Variants in CRYZL1 observed in about 807,000 individuals in gnomAD.
The protein encoded by CRYZL1 is ferry endosomal RAB5 effector complex subunit 4.
CRYZL1 carries 34 observed loss-of-function variants against 50.6 expected under a neutral mutation model. That is an observed-to-expected ratio of 0.67 (90% confidence interval 0.51 to 0.89). The LOEUF is 0.89. Among genes scored for constraint, CRYZL1 ranks in the 40% least tolerant of loss-of-function variants. The pLI is 0.00. For synonymous variants in CRYZL1, 125 were observed against 134.3 expected, an observed-to-expected ratio of 0.93 and a Z score of 0.48; for missense variants, 354 against 402.3, an observed-to-expected ratio of 0.88 and a Z score of 1.03.
rs754115259 is a variant in CRYZL1, at chr21:33,589,438, T to G, written c.*384A>C. The G allele has an allele frequency of 9.9e-4, 300 of 303,128 alleles. 1 individual carries two copies. The highest frequency in any genetic ancestry group is 1.3e-3 in the Non-Finnish European group (212 of 166,942). The allele number at this position is 303,128 out of a possible 1,614,324, so 18.8% of individuals were successfully genotyped here. A position where few individuals can be genotyped will look rare whatever the true frequency, so the allele number is the denominator to read the frequency against. On this transcript the variant is annotated 3_prime_UTR_variant, in exon 13 of 13. Coordinates refer to ENST00000381554, the MANE Select transcript of CRYZL1 (RefSeq NM_145858.3). ...CTTAAGGAAGGTGTTGAGAACGGAGTTGATACAAAATTAATACGTTACTTT... is the reference window on the plus strand; with the variant it reads ...CTTAAGGAAGGTGTTGAGAACGGAGGTGATACAAAATTAATACGTTACTTT...
chr21:33,600,105 C>A (rs1202068895), intron 8 of CRYZL1, among the ~76,000 whole-genome samples: 1 of 152,110 alleles, frequency 6.6e-6, no homozygotes, highest in Non-Finnish European at 1.5e-5. Flanking sequence ...TTTAAAAAAT[C>A]CTAAATCGAA....
At chr21:33,607,838 C>T (rs899569963) in intron 6 of CRYZL1, among the ~76,000 whole-genome samples, 1 of 152,140 alleles carries the variant, frequency 6.6e-6, no homozygotes, top group African/African-American at 2.4e-5. Flanking sequence ...ACAGGTTATT[C>T]AGTTGAGTGT....
chr21:33,621,445 C>T (rs2087000361), intron 4 of CRYZL1, among the ~76,000 whole-genome samples: 1 of 151,676 alleles, frequency 6.6e-6, no homozygotes, highest in African/African-American at 2.4e-5. Flanking sequence ...AGGTTCACGC[C>T]ATTCTCCTGC....
At chr21:33,616,593 G>A (rs748104726) in intron 5 of CRYZL1, 113 bp downstream of exon 5, 3 of 1,566,088 alleles carry the variant, frequency 1.9e-6, no homozygotes, top group Non-Finnish European at 2.6e-6. Flanking sequence ...CACCCAGCCG[G>A]GAAAGTACTT....
intron 11 of CRYZL1, chr21:33,595,512 T>C (rs1384060393): frequency 1.6e-6 from 2 of 1,282,458 alleles, no homozygotes; most frequent in Non-Finnish European, 2.2e-6. Flanking sequence ...AACATCTCTG[T>C]GCTTCTGTTT....
chr21:33,591,888 T>A (rs2086646046), intron 11 of CRYZL1, among the ~76,000 whole-genome samples: 1 of 151,550 alleles, frequency 6.6e-6, no homozygotes, highest in South Asian at 2.1e-4. Context: ...AGCACATGGG[T>A]TTGAGGTTAC....
intron 1 of CRYZL1, among the ~76,000 whole-genome samples, chr21:33,636,582 A>C (rs1221481156): frequency 6.6e-6 from 1 of 152,238 alleles, no homozygotes; most frequent in African/African-American, 2.4e-5. Flanking sequence ...AAAATTAAGG[A>C]GATAATACCA....
At chr21:33,637,159 T>G (rs983954323) in intron 1 of CRYZL1, among the ~76,000 whole-genome samples, 4 of 152,150 alleles carry the variant, frequency 2.6e-5, no homozygotes, top group Non-Finnish European at 4.4e-5. Flanking sequence ...AAGAATAATT[T>G]AGATCGCTGG....
intron 4 of CRYZL1, 142 bp from the exon 5 acceptor site, chr21:33,616,892 A>G: frequency 3.0e-6 from 2 of 666,278 alleles, no homozygotes; most frequent in Non-Finnish European, 4.8e-6. Context: ...AAATGTCAAT[A>G]ACATTTTGAT....
At chr21:33,626,696 C>CA (rs1364493644) in intron 2 of CRYZL1, among the ~76,000 whole-genome samples, 2,353 of 75,344 alleles carry the variant, frequency 0.031, 32 homozygotes, top group African/African-American at 0.049. Context: ...GACCCTGTCT[C>CA]AAAAAAAAAA....
intron 2 of CRYZL1, among the ~76,000 whole-genome samples, chr21:33,629,858 A>T (rs2087117300): frequency 6.6e-6 from 1 of 152,200 alleles, no homozygotes; most frequent in African/African-American, 2.4e-5. Context: ...GTATGATGTT[A>T]GCTGCAGGTT....
At chr21:33,616,235 A>AT (rs1458673337) in intron 5 of CRYZL1, 9 of 154,506 alleles carry the variant, frequency 5.8e-5, no homozygotes, top group African/African-American at 2.2e-4. Context: ...CAAGGTCCCA[A>AT]TTTTTATCAT....
At chr21:33,637,788 T>TATATATACAC (rs1491462371) in intron 1 of CRYZL1, among the ~76,000 whole-genome samples, 1 of 117,208 alleles carries the variant, frequency 8.5e-6, no homozygotes, top group African/African-American at 3.1e-5. Context: ...TATATATATA[T>TATATATACAC]ACACACACAC....
chr21:33,629,448 A>C (rs1055255201), intron 2 of CRYZL1, among the ~76,000 whole-genome samples: 1 of 152,196 alleles, frequency 6.6e-6, no homozygotes, highest in African/African-American at 2.4e-5. Context: ...TTTTTAGTAG[A>C]GATGGGGTTT....
intron 4 of CRYZL1, 67 bp downstream of exon 4, chr21:33,621,929 C>T (rs1023182201): frequency 9.7e-7 from 1 of 1,035,614 alleles, no homozygotes; most frequent in Non-Finnish European, 1.4e-6. Context: ...ACCAGTAAAC[C>T]AATTAGCTAC....
intron 4 of CRYZL1, among the ~76,000 whole-genome samples, 180 bp downstream of exon 4, chr21:33,621,816 C>T (rs1445978568): frequency 1.3e-5 from 2 of 151,226 alleles, no homozygotes; most frequent in Admixed American, 6.6e-5. Flanking sequence ...TCAGGCTGGG[C>T]AACACAGAGA....
intron 1 of CRYZL1, chr21:33,639,826 T>TTC: frequency 2.7e-5 from 1 of 36,934 alleles, no homozygotes; most frequent in Non-Finnish European, 5.4e-5. Context: ...TAGATGTGTA[T>TTC]TTTTTTTTTT....
chr21:33,597,520 T>G, intron 9 of CRYZL1, 119 bp from the exon 10 acceptor site: 1 of 808,520 alleles, frequency 1.2e-6, no homozygotes, highest in South Asian at 1.8e-5. Context: ...CTTACTATGT[T>G]GCCCAGGCTG....
chr21:33,633,554 A>G (rs999794965), intron 1 of CRYZL1: 24 of 152,246 alleles, frequency 1.6e-4, no homozygotes, highest in African/African-American at 4.8e-4. Context: ...AGTTGGGACT[A>G]TAGGCACGTG....
Sources: allele counts gnomAD v4.1 joint callset (sites outside exome capture counted in the v4.1 genomes callset), GRCh38; gene constraint gnomAD v4.1.1; transcripts MANE v1.5; gene names NCBI Gene and HGNC (gene_info 2026-07-23, HGNC 2026-07-21).